The following EXT2 variants were observed in gnomAD, a reference collection of about 807,000 sequenced individuals.
The protein encoded by EXT2 is exostosin glycosyltransferase 2, also known as exostosin-2.
In EXT2, 53 loss-of-function variants were observed where a neutral mutation model predicts 81.6. The ratio of observed to expected loss-of-function variants is 0.65; its 90% CI spans 0.52 to 0.82. The LOEUF is 0.82. Among genes scored for constraint, EXT2 ranks in the 40% least tolerant of loss-of-function variants. The pLI is 0.00. For missense variants in EXT2, 774 were observed against 910.2 expected, an observed-to-expected ratio of 0.85 and a Z score of 1.93; for synonymous variants, 320 against 340.0, an observed-to-expected ratio of 0.94 and a Z score of 0.65.
At chr11:44,165,466 T>C (rs1479199517) in intron 7 of EXT2, among the ~76,000 whole-genome samples, 1 of 152,248 alleles carries the variant, frequency 6.6e-6, no homozygotes, top group African/African-American at 2.4e-5. Context: ...GCTATGATTA[T>C]TGGCAAAACT....
intron 1 of EXT2, chr11:44,096,387 A>C (rs1590533213): frequency 1.4e-6 from 2 of 1,442,386 alleles, no homozygotes; most frequent in South Asian, 2.5e-5. Context: ...TAGGCCGGGG[A>C]CTGGGTGACC....
At chr11:44,106,625 C>T (rs189545615) in intron 1 of EXT2, among the ~76,000 whole-genome samples, 167 of 152,120 alleles carry the variant, frequency 1.1e-3, no homozygotes, top group African/African-American at 3.8e-3. Flanking sequence ...AATAAGTGAA[C>T]GAAAACAGAT....
intron 7 of EXT2, among the ~76,000 whole-genome samples, chr11:44,161,031 GT>G (rs1954920831): frequency 6.6e-6 from 1 of 151,832 alleles, no homozygotes; most frequent in African/African-American, 2.4e-5. Context: ...CTTTATTTTT[GT>G]ATGATAATTT....
intron 8 of EXT2, among the ~76,000 whole-genome samples, chr11:44,193,920 C>T (rs1021254080): frequency 5.9e-5 from 9 of 152,178 alleles, no homozygotes; most frequent in Non-Finnish European, 5.9e-5. Flanking sequence ...TGTCCTTCCT[C>T]CTCCCCTACC....
At chr11:44,144,859 T>C (rs1021827775) in intron 7 of EXT2, among the ~76,000 whole-genome samples, 2 of 152,150 alleles carry the variant, frequency 1.3e-5, no homozygotes, top group Non-Finnish European at 2.9e-5. Context: ...CCAAGTAGCA[T>C]TTATTTTGAA....
chr11:44,095,705 C>T lies in EXT2; in HGVS notation c.-178C>T, dbSNP rs993868292. The T allele has an allele frequency of 6.5e-6, 1 of 153,068 alleles. No individual in the cohort carries two copies. The highest frequency in any genetic ancestry group is 6.5e-5 in the Admixed American group (1 of 15,292). The allele number at this position is 153,068 out of a possible 1,614,324, so 9.5% of individuals were successfully genotyped here. ...ACGGCCCGGATCCCGGTTACCGGCCCCTCGCTCGCTGCTCGCCAGCCCAGA... is the reference window on the plus strand; with the variant it reads ...ACGGCCCGGATCCCGGTTACCGGCCTCTCGCTCGCTGCTCGCCAGCCCAGA... On this transcript the variant is annotated 5_prime_UTR_variant, in exon 1 of 14. Transcript: ENST00000533608.
intron 4 of EXT2, among the ~76,000 whole-genome samples, chr11:44,118,396 ATATTT>A (rs1001578678): frequency 6.6e-6 from 1 of 152,088 alleles, no homozygotes; most frequent in Non-Finnish European, 1.5e-5. Context: ...ATTTTTTCCA[ATATTT>A]TATTATGAAA....
intron 9 of EXT2, among the ~76,000 whole-genome samples, chr11:44,206,211 G>T (rs368806959): frequency 3.9e-5 from 6 of 152,170 alleles, no homozygotes; most frequent in African/African-American, 1.4e-4. Context: ...GGATTTTAGC[G>T]GCACCAAAAG....
At chr11:44,121,588 T>C (rs1422428631) in intron 4 of EXT2, among the ~76,000 whole-genome samples, 2 of 148,134 alleles carry the variant, frequency 1.4e-5, no homozygotes, top group African/African-American at 2.5e-5. Flanking sequence ...GCCCCCACAC[T>C]GCACAGAGGC....
At chr11:44,232,814 T>G (rs1356250490) in intron 11 of EXT2, among the ~76,000 whole-genome samples, 2 of 152,232 alleles carry the variant, frequency 1.3e-5, no homozygotes, top group African/African-American at 4.8e-5. Flanking sequence ...TTGTAAATAT[T>G]CTCATTAGCC....
intron 10 of EXT2, among the ~76,000 whole-genome samples, chr11:44,221,493 T>G (rs1226299509): frequency 6.6e-6 from 1 of 152,136 alleles, no homozygotes; most frequent in Non-Finnish European, 1.5e-5. Context: ...ATCCATATGT[T>G]TGAGGGTTAT....
At position 44,114,434 on chromosome 11, in the gene EXT2, A is replaced by G. The variant is rs931172736; in HGVS notation, c.743+133A>G. 15 of 802,216 alleles carry G rather than the reference A, an allele frequency of 1.9e-5. No individual in the cohort carries two copies. The African/African-American group carries it at 2.3e-4, about 13-fold the overall frequency. The allele number at this position is 802,216 out of a possible 1,614,324, so 49.7% of individuals were successfully genotyped here. The stretch of plus-strand genomic sequence containing the variant: ...GGGTCCTTGAGGCACTGAGGCACCC[A>G]TCTTTCCCACCTCCATGCAGTCTCA... On this transcript the variant is annotated intron_variant, in intron 4 of 13. Coordinates refer to ENST00000533608, the MANE Select transcript of EXT2 (RefSeq NM_207122.2).
chr11:44,097,761 A>AAAATAAAT (rs146581535), intron 1 of EXT2, among the ~76,000 whole-genome samples: 6 of 110,924 alleles, frequency 5.4e-5, no homozygotes, highest in East Asian at 2.9e-4. Context: ...TCCATCTCAA[A>AAAATAAAT]AAATAAATAA....
intron 8 of EXT2, among the ~76,000 whole-genome samples, chr11:44,193,850 A>C (rs1017447170): frequency 9.9e-5 from 15 of 152,142 alleles, no homozygotes; most frequent in Non-Finnish European, 2.1e-4. Context: ...GCAAGTGGGC[A>C]GTGGGGAAAA....
chr11:44,239,304 C>T (rs1052960382), intron 13 of EXT2, among the ~76,000 whole-genome samples: 4 of 151,126 alleles, frequency 2.6e-5, no homozygotes, highest in South Asian at 2.1e-4. Flanking sequence ...TCAGCAGTGT[C>T]GTTAATGGGG....
chr11:44,124,779 T>C lies in EXT2; in HGVS notation c.744-10T>C, dbSNP rs200943294. 4 of 1,613,962 alleles carry C rather than the reference T, an allele frequency of 2.5e-6. No homozygotes were observed. In the South Asian group the frequency reaches 4.4e-5, roughly 18 times the overall value. ...GCAATTTTCCAATCACCTGTTTTTT[T>C]CCCTTGTAGTCCACGGCAATACTTC... On this transcript the variant is annotated splice_polypyrimidine_tract_variant and intron_variant, in intron 4 of 13. Transcript: ENST00000533608.
chr11:44,107,747 CT>C lies in EXT2; in HGVS notation c.36del (p.Ala13ProfsTer6). The C allele has an allele frequency of 6.2e-7, 1 of 1,614,180 alleles. No individual in the cohort carries two copies. The highest frequency in any genetic ancestry group is 1.1e-5 in the South Asian group (1 of 91,076). On this transcript the variant is annotated frameshift_variant, in exon 2 of 14. Coordinates refer to ENST00000533608, the MANE Select transcript of EXT2 (RefSeq NM_207122.2). LOFTEE classifies it high-confidence loss of function. ...TCGGTCAAGTATAATATCCGGGGTCCTGCCCTCATCCCAAGAATGAAGACCA... is the reference window on the plus strand; with the variant it reads ...TCGGTCAAGTATAATATCCGGGGTCCGCCCTCATCCCAAGAATGAAGACCA... ...CASVKYNIRG[P>X]ALIPRMKTKH...
At chr11:44,225,506 G>A (rs1955829344) in intron 10 of EXT2, among the ~76,000 whole-genome samples, 1 of 152,146 alleles carries the variant, frequency 6.6e-6, no homozygotes, top group African/African-American at 2.4e-5. Flanking sequence ...TCCCTACCTG[G>A]TTCTATTCTG....
At chr11:44,166,105 A>G (rs935197837) in intron 7 of EXT2, among the ~76,000 whole-genome samples, 6 of 152,250 alleles carry the variant, frequency 3.9e-5, no homozygotes, top group African/African-American at 9.6e-5. Flanking sequence ...ACCAGTATCT[A>G]TTTCCAAGGA....
Sources: allele counts gnomAD v4.1 joint callset (sites outside exome capture counted in the v4.1 genomes callset), GRCh38; gene constraint gnomAD v4.1.1; transcripts MANE v1.5; gene names NCBI Gene and HGNC (gene_info 2026-07-23, HGNC 2026-07-21).